ADD3: variants seen among roughly 807,000 people sequenced by gnomAD.
ADD3 encodes adducin 3, also known as gamma-adducin.
In ADD3, 25 loss-of-function variants were observed where a neutral mutation model predicts 80.2. That is an observed-to-expected ratio of 0.31 (90% CI 0.23 to 0.44). The LOEUF (loss-of-function observed/expected upper bound fraction) is 0.44. Ranked by LOEUF, ADD3 falls within the 20% of genes least tolerant of loss-of-function variation. The pLI is 1.00. For missense variants in ADD3, 829 were observed against 847.5 expected (o/e 0.98, Z 0.27); for synonymous variants, 284 against 289.6 (o/e 0.98, Z 0.20).
At chr10:110,066,303 A>G (rs1346283980) in intron 1 of ADD3, among the ~76,000 whole-genome samples, 1 of 152,062 alleles carries the variant, frequency 6.6e-6, no homozygotes. Context: ...GCAGTGGCAC[A>G]ATCTTGGCTC....
At chr10:110,029,247 T>G (rs899355557) in intron 1 of ADD3, among the ~76,000 whole-genome samples, 2 of 152,240 alleles carry the variant, frequency 1.3e-5, no homozygotes, top group African/African-American at 4.8e-5. Context: ...ATTTTATGTC[T>G]ACTTTGCAAG....
chr10:110,075,100 A>G (rs1274565352), intron 1 of ADD3, among the ~76,000 whole-genome samples: 1 of 152,196 alleles, frequency 6.6e-6, no homozygotes, highest in African/African-American at 2.4e-5. Flanking sequence ...GGGACTAACT[A>G]CACATTGGGC....
rs546225041 is a variant in ADD3 at position 110,054,193 on chromosome 10, T to C, written c.-30+45894T>C. Among the ~76,000 whole-genome samples, 7 of 152,322 alleles carry C rather than the reference T, an allele frequency of 4.6e-5. No homozygotes were observed. In the South Asian group the frequency reaches 1.4e-3, roughly 32 times the overall value. On this transcript the variant is annotated intron_variant, in intron 1 of 14. Transcript: ENST00000356080. The stretch of plus-strand genomic sequence containing the variant: ...ACCTGACTTTGATTAAAATTTATTT[T>C]GGGGGAATGGTATGTGAATATTGAG...
At chr10:110,038,630 T>G (rs1417975791) in intron 1 of ADD3, among the ~76,000 whole-genome samples, 2 of 152,244 alleles carry the variant, frequency 1.3e-5, no homozygotes, top group Non-Finnish European at 2.9e-5. Context: ...CTTGATGCAC[T>G]GTTTCTTAAG....
intron 8 of ADD3, among the ~76,000 whole-genome samples, chr10:110,121,541 A>G (rs1392491188): frequency 6.6e-6 from 1 of 152,190 alleles, no homozygotes; most frequent in Non-Finnish European, 1.5e-5. Context: ...AATAATCTTA[A>G]TTTATTGGAA....
At chr10:110,038,513 A>G (rs1308060215) in intron 1 of ADD3, among the ~76,000 whole-genome samples, 1 of 152,234 alleles carries the variant, frequency 6.6e-6, no homozygotes, top group Admixed American at 6.5e-5. Context: ...TTAGAATATT[A>G]TGCAGCCCTT....
rs57540485 is a variant in ADD3 at position 110,062,200 on chromosome 10, TAAAAAAAAAAAAAAAAA to T, written c.-29-38404_-29-38388del. 1.4e-3 allele frequency among the ~76,000 whole-genome samples: 50 copies of T among 35,198 alleles called. 1 individual carries two copies. The highest frequency in any genetic ancestry group is 2.6e-3 in the Admixed American group (5 of 1,942). The allele number at this position is 35,198 out of a possible 152,430, so 23.1% of individuals were successfully genotyped here. Reference sequence around the variant, plus strand: ...GAACATGGAGAAACACTGTCTCTACTAAAAAAAAAAAAAAAAAAAAAAAAAAAAAAAAAAAAATACTA... The same window carrying T: ...GAACATGGAGAAACACTGTCTCTACTAAAAAAAAAAAAAAAAAAAATACTA... On this transcript the variant is annotated intron_variant, in intron 1 of 14. Coordinates refer to ENST00000356080, the MANE Select transcript of ADD3 (RefSeq NM_016824.5).
intron 1 of ADD3, among the ~76,000 whole-genome samples, chr10:110,086,441 T>A (rs1846759367): frequency 1.3e-5 from 2 of 152,046 alleles, no homozygotes; most frequent in Non-Finnish European, 2.9e-5. Flanking sequence ...AGGCTTGATA[T>A]GGTTTGGATT....
upstream of ADD3, chr10:110,006,122 T>C: frequency 6.5e-6 from 1 of 154,362 alleles, no homozygotes; most frequent in Middle Eastern, 2.5e-3. Flanking sequence ...CTACTACCCT[T>C]GTTAGAAGGA....
chr10:110,132,120 C>T (rs950056492), intron 13 of ADD3, among the ~76,000 whole-genome samples, 185 bp from the exon 14 acceptor site: 7 of 152,328 alleles, frequency 4.6e-5, no homozygotes, highest in Non-Finnish European at 7.3e-5. Flanking sequence ...GAAATGTTAA[C>T]ACATTAACCT....
intron 1 of ADD3, among the ~76,000 whole-genome samples, chr10:110,036,326 C>T (rs1855638345): frequency 6.6e-6 from 1 of 150,840 alleles, no homozygotes; most frequent in African/African-American, 2.4e-5. Flanking sequence ...ATACCTTCTC[C>T]AAGTTATATT....
chr10:110,048,208 A>T (rs1445131488), intron 1 of ADD3, among the ~76,000 whole-genome samples: 1 of 151,996 alleles, frequency 6.6e-6, no homozygotes, highest in East Asian at 1.9e-4. Flanking sequence ...TTCCCCTTCC[A>T]CCATGATTGT....
At chr10:110,016,215 A>T (rs1852975526) in intron 1 of ADD3, among the ~76,000 whole-genome samples, 1 of 152,178 alleles carries the variant, frequency 6.6e-6, no homozygotes, top group African/African-American at 2.4e-5. Flanking sequence ...AATGGCCAGC[A>T]TCAAGTTGAG....
intron 2 of ADD3, among the ~76,000 whole-genome samples, chr10:110,109,846 G>A (rs144064043): frequency 3.9e-5 from 6 of 152,220 alleles, no homozygotes; most frequent in African/African-American, 9.6e-5. Context: ...CTTGTATACA[G>A]CTCTCAGCCA....
intron 1 of ADD3, among the ~76,000 whole-genome samples, chr10:110,079,459 AGAGTGTGTGTGTGTGTGTGT>A (rs1158699794): frequency 1.8e-5 from 2 of 112,326 alleles, no homozygotes; most frequent in African/African-American, 4.7e-5. Flanking sequence ...AGAGAGAGAG[AGAGTGTGTGTGTGTGTGTGT>A]GTGTGTGTGT....
At chr10:110,089,930 T>C (rs1344919298) in intron 1 of ADD3, among the ~76,000 whole-genome samples, 1 of 152,120 alleles carries the variant, frequency 6.6e-6, no homozygotes, top group East Asian at 1.9e-4. Flanking sequence ...TTTGACCTAA[T>C]TATAATAAAG....
chr10:110,126,586 A>C, intron 12 of ADD3, 83 bp downstream of exon 12: 1 of 1,007,054 alleles, frequency 9.9e-7, no homozygotes, highest in Non-Finnish European at 1.5e-6. Flanking sequence ...ATTTATTTTT[A>C]CTAAGGTTAA....
intron 1 of ADD3, among the ~76,000 whole-genome samples, chr10:110,079,461 A>AGT (rs1164637976): frequency 0.013 from 1,298 of 97,422 alleles, 19 homozygotes; most frequent in African/African-American, 0.03. Flanking sequence ...AGAGAGAGAG[A>AGT]GTGTGTGTGT....
chr10:110,124,324 TACTC>T (rs781138091), intron 10 of ADD3, 50 bp downstream of exon 10: 1 of 1,579,274 alleles, frequency 6.3e-7, no homozygotes, highest in South Asian at 1.1e-5. Context: ...TTTGCCTAGT[TACTC>T]AAGAATTGAA....
Sources: gnomAD v4.1 joint callset for allele counts (sites outside exome capture counted in the v4.1 genomes callset) on GRCh38, gnomAD v4.1.1 for gene constraint, MANE v1.5 for transcripts, NCBI Gene and HGNC (gene_info 2026-07-23, HGNC 2026-07-21) for gene names.